CTTNBP2: variants seen among roughly 807,000 people sequenced by gnomAD.
CTTNBP2 encodes cortactin-binding protein 2.
A neutral mutation model predicts 156.9 loss-of-function variants in CTTNBP2; 108 were observed. The ratio of observed to expected loss-of-function variants is 0.69; its 90% confidence interval spans 0.59 to 0.81. CTTNBP2 has a LOEUF of 0.81. CTTNBP2 is among the 30% of genes least tolerant of loss of function. CTTNBP2 has a pLI of 0.00. For synonymous variants in CTTNBP2, 767 were observed against 751.8 expected, an observed-to-expected ratio of 1.02 and a Z score of -0.33; for missense variants, 1,924 against 2,035.4, an observed-to-expected ratio of 0.95 and a Z score of 1.05.
intron 10 of CTTNBP2, 168 bp from the exon 11 acceptor site, chr7:117,758,138 T>A (rs1029768410): frequency 1.8e-6 from 1 of 560,450 alleles, no homozygotes; most frequent in East Asian, 2.9e-5. Context: ...AGCTCCCTAA[T>A]GAAATTCTTG....
chr7:117,781,523 G>A (rs949538431), intron 6 of CTTNBP2, among the ~76,000 whole-genome samples: 11 of 152,152 alleles, frequency 7.2e-5, no homozygotes, highest in African/African-American at 2.7e-4. Flanking sequence ...GACAGATGAC[G>A]AAGTCAGGAG....
rs776769887 is a variant in CTTNBP2 at position 117,791,925 on chromosome 7, G to C, written c.1271C>G (p.Pro424Arg). The C allele has an allele frequency of 5.6e-6, 9 of 1,614,214 alleles. No individual in the cohort carries two copies. The East Asian group carries it at 8.9e-5, about 16-fold the overall frequency. Reference sequence around the variant, plus strand: ...ACATGGTGAATGTAAACTGTGCATAGGTGGAGCTTGCGAGTTCTGAGGAGC... The same window carrying C: ...ACATGGTGAATGTAAACTGTGCATACGTGGAGCTTGCGAGTTCTGAGGAGC... Reference protein sequence around the residue: ...GIAPQNSQAPPMHSLHSPCAN... With the variant: ...GIAPQNSQAPRMHSLHSPCAN... The change falls in exon 4 of 23, where the codon CCT becomes CGT. Residue 424 changes from proline to arginine, a missense_variant. Physicochemically the swap from Pro to Arg is moderately radical, Grantham distance 103. Coordinates refer to ENST00000160373, the MANE Select transcript of CTTNBP2 (RefSeq NM_033427.3).
At chr7:117,725,661 T>C (rs1795048917) in intron 17 of CTTNBP2, among the ~76,000 whole-genome samples, 1 of 152,136 alleles carries the variant, frequency 6.6e-6, no homozygotes. Context: ...GCACATACAT[T>C]GTATTGTAAT....
intron 8 of CTTNBP2, among the ~76,000 whole-genome samples, chr7:117,769,115 C>T (rs1797675911): frequency 6.6e-6 from 1 of 152,200 alleles, no homozygotes; most frequent in African/African-American, 2.4e-5. Flanking sequence ...CTTCAAAGAG[C>T]TTTCAAAAGT....
At chr7:117,820,248 C>G (rs555260736) in intron 2 of CTTNBP2, among the ~76,000 whole-genome samples, 1 of 152,206 alleles carries the variant, frequency 6.6e-6, no homozygotes. Context: ...TCCAGAACAA[C>G]GTCCAACTGT....
chr7:117,720,729 C>T (rs1263136052), intron 20 of CTTNBP2, among the ~76,000 whole-genome samples: 2 of 152,122 alleles, frequency 1.3e-5, no homozygotes, highest in Non-Finnish European at 2.9e-5. Context: ...TTCTGTAAAT[C>T]TGTGGAAAAG....
In CTTNBP2 at chr7:117,821,811, C is replaced by T. The variant is rs188284659; in HGVS notation, c.190-10822G>A. ...TTCACTGTGTTAGCCAGGATGGTCT[C>T]GATCTCCTGACCTTGTGATCCACCC... On this transcript the variant is annotated intron_variant, in intron 2 of 22. Coordinates refer to ENST00000160373, the MANE Select transcript of CTTNBP2 (RefSeq NM_033427.3). 2.7e-3 allele frequency among the ~76,000 whole-genome samples: 415 copies of T among 152,070 alleles called. 2 individuals are homozygous for T. The highest frequency in any genetic ancestry group is 9.4e-3 in the African/African-American group (390 of 41,478).
At chr7:117,840,874 T>C (rs148931692) in intron 2 of CTTNBP2, among the ~76,000 whole-genome samples, 2 of 152,282 alleles carry the variant, frequency 1.3e-5, no homozygotes, top group African/African-American at 4.8e-5. Context: ...AATACAGCTG[T>C]ACTTCAAAAA....
At chr7:117,726,458 C>G (rs1795099171) in intron 17 of CTTNBP2, among the ~76,000 whole-genome samples, 1 of 152,040 alleles carries the variant, frequency 6.6e-6, no homozygotes, top group Non-Finnish European at 1.5e-5. Context: ...CCTAAAAGTG[C>G]TGAAGTATAA....
intron 3 of CTTNBP2, 45 bp downstream of exon 3, chr7:117,810,720 G>C (rs2116966381): frequency 6.8e-7 from 1 of 1,480,780 alleles, no homozygotes; most frequent in Non-Finnish European, 9.4e-7. Flanking sequence ...TCTCCTCATT[G>C]GACACCATGT....
At chr7:117,845,766 T>A (rs1478522525) in intron 2 of CTTNBP2, among the ~76,000 whole-genome samples, 2 of 152,216 alleles carry the variant, frequency 1.3e-5, no homozygotes, top group Admixed American at 1.3e-4. Flanking sequence ...CCAGTACACA[T>A]CAAGATGGTG....
chr7:117,790,805 G>A (rs184388927), intron 4 of CTTNBP2, among the ~76,000 whole-genome samples: 1 of 152,264 alleles, frequency 6.6e-6, no homozygotes, highest in East Asian at 1.9e-4. Flanking sequence ...TATTTAATAA[G>A]AAGGAATACT....
intron 19 of CTTNBP2, among the ~76,000 whole-genome samples, chr7:117,723,233 G>T (rs555154724): frequency 6.6e-6 from 1 of 151,786 alleles, no homozygotes; most frequent in Non-Finnish European, 1.5e-5. Flanking sequence ...CTTAAAAAGG[G>T]GTCACAATTT....
Position 117,756,581 on chromosome 7 carries a change from G to A in CTTNBP2, c.3322C>T (p.Gln1108Ter). 6.2e-7 allele frequency: 1 copy of A among 1,613,712 alleles called. No homozygotes were observed. The highest frequency in any genetic ancestry group is 2.2e-5 in the East Asian group (1 of 44,870). The change falls in exon 12 of 23, where the codon CAG becomes TAG. Residue 1108 changes from glutamine to a stop codon, truncating the protein, a stop_gained. Coordinates refer to ENST00000160373, the MANE Select transcript of CTTNBP2 (RefSeq NM_033427.3). LOFTEE classifies it high-confidence loss of function. The part of the protein sequence containing the change: ...SVTYASMIPL[Q>*]MMQNYLRLVE... ...AGCCTGAGGTAGTTCTGCATCATCT[G>A]GAGAGGGATCATGGAGGCATAAGTC...
intron 11 of CTTNBP2, among the ~76,000 whole-genome samples, chr7:117,757,135 G>T (rs1796927448): frequency 6.6e-6 from 1 of 152,086 alleles, no homozygotes; most frequent in African/African-American, 2.4e-5. Flanking sequence ...TTTCTGGGGT[G>T]GCCTCACACT....
At chr7:117,760,750 G>T (rs1189181049) in intron 9 of CTTNBP2, 40 bp from the exon 10 acceptor site, 1 of 1,420,336 alleles carries the variant, frequency 7.0e-7, no homozygotes, top group South Asian at 1.3e-5. Context: ...AAAAAAATCT[G>T]GACAGAAAAA....
chr7:117,736,651 G>A (rs1316329247), intron 14 of CTTNBP2, among the ~76,000 whole-genome samples: 1 of 152,108 alleles, frequency 6.6e-6, no homozygotes, highest in Non-Finnish European at 1.5e-5. Flanking sequence ...AGCTGGAAAA[G>A]TAAATGAAAA....
intron 8 of CTTNBP2, among the ~76,000 whole-genome samples, chr7:117,773,648 AACACACACAC>A (rs71528190): frequency 0.019 from 1,785 of 95,102 alleles, 32 homozygotes; most frequent in Middle Eastern, 0.038. Context: ...GCTTAGAGTT[AACACACACAC>A]ACACACACAC....
intron 19 of CTTNBP2, among the ~76,000 whole-genome samples, chr7:117,723,199 A>G (rs976507300): frequency 1.1e-4 from 17 of 152,234 alleles, no homozygotes; most frequent in African/African-American, 4.1e-4. Context: ...AATTCATTTT[A>G]TTCAGTAAAT....
Sources: allele counts gnomAD v4.1 joint callset (sites outside exome capture counted in the v4.1 genomes callset), GRCh38; gene constraint gnomAD v4.1.1; transcripts MANE v1.5; gene names NCBI Gene and HGNC (gene_info 2026-07-23, HGNC 2026-07-21).